Variants in ALG12 observed in about 807,000 individuals in gnomAD.
ALG12 encodes the protein ALG12 alpha-1,6-mannosyltransferase.
ALG12 carries 36 observed loss-of-function variants against 46.0 expected under a neutral mutation model. That is an observed-to-expected ratio of 0.78 (90% CI 0.60 to 1.03). ALG12 has a LOEUF of 1.03. Ranked by LOEUF, ALG12 falls within the 50% of genes least tolerant of loss-of-function variation. The pLI is 0.00. For synonymous variants in ALG12, 326 were observed against 291.6 expected (o/e 1.12, Z -1.20); for missense variants, 599 against 633.5 (o/e 0.95, Z 0.58).
the ALG12 span, among the ~76,000 whole-genome samples, chr22:49,894,476 G>A: frequency 1.3e-5 from 2 of 152,226 alleles, no homozygotes; most frequent in South Asian, 2.1e-4. Flanking sequence ...CAGAGTGAAT[G>A]CGAGAGGCCA....
At chr22:49,881,330 G>A in the ALG12 span, among the ~76,000 whole-genome samples, 3 of 152,250 alleles carry the variant, frequency 2.0e-5, no homozygotes, top group Non-Finnish European at 2.9e-5. Flanking sequence ...CAGCCTGGGC[G>A]ACAGAGTGAT....
rs77196211 is a variant in ALG12, at chr22:49,902,085, G to C, written c.*1753C>G. 0.048 allele frequency: 6,305 copies of C among 132,004 alleles called. 496 individuals carry two copies. Among genetic ancestry groups the C allele is most frequent in the South Asian group, 0.11 (408 of 3,746 alleles). 8.2% of individuals were successfully genotyped at this position (132,004 alleles called of 1,614,324 possible). A position where few individuals can be genotyped will look rare whatever the true frequency, so the allele number is the denominator to read the frequency against. On this transcript the variant is annotated 3_prime_UTR_variant, in exon 10 of 10. Coordinates refer to ENST00000330817, the MANE Select transcript of ALG12 (RefSeq NM_024105.4). Reference sequence around the variant, plus strand: ...GCACTGTGTGTGGTGTGCATGCATGGTGTGTGCACGTGTGCACTGTGTATG... The same window carrying C: ...GCACTGTGTGTGGTGTGCATGCATGCTGTGTGCACGTGTGCACTGTGTATG...
At chr22:49,878,357 A>G in the ALG12 span, among the ~76,000 whole-genome samples, 11 of 151,990 alleles carry the variant, frequency 7.2e-5, no homozygotes, top group Admixed American at 5.3e-4. Flanking sequence ...TCTCAAGAGT[A>G]ATAATAACTG....
the ALG12 span, among the ~76,000 whole-genome samples, chr22:49,880,935 C>CT: frequency 6.6e-6 from 1 of 152,162 alleles, no homozygotes; most frequent in Non-Finnish European, 1.5e-5. Context: ...TACAGGTCTT[C>CT]TTTTTAAGAC....
intron 7 of ALG12, 41 bp from the exon 8 acceptor site, chr22:49,904,547 G>A: frequency 1.9e-6 from 3 of 1,609,406 alleles, no homozygotes; most frequent in Non-Finnish European, 2.5e-6. Flanking sequence ...AGAACGTAAT[G>A]ACAATAAAAT....
the ALG12 span, chr22:49,885,434 A>G: frequency 6.2e-6 from 10 of 1,609,848 alleles, no homozygotes; most frequent in Non-Finnish European, 8.5e-6. Flanking sequence ...CGGGGGAAGA[A>G]GCCGACTAAC....
the ALG12 span, chr22:49,886,495 C>T: frequency 8.3e-6 from 13 of 1,565,732 alleles, no homozygotes; most frequent in African/African-American, 1.4e-5. This position sits in a 1 kb window ranked among gnomAD's most constrained non-coding sequence, Gnocchi z 7.7. Context: ...GGCTGCGAGC[C>T]GGGAGATGAG....
chr22:49,875,418 C>CTTTTT, the ALG12 span, among the ~76,000 whole-genome samples: 2 of 145,170 alleles, frequency 1.4e-5, no homozygotes, highest in Non-Finnish European at 3.0e-5. Flanking sequence ...AATTTATTTT[C>CTTTTT]TTTTTTTTTT....
chr22:49,867,560 G>A, the ALG12 span, among the ~76,000 whole-genome samples: 2 of 152,298 alleles, frequency 1.3e-5, no homozygotes, highest in South Asian at 2.1e-4. Flanking sequence ...GCCCCAGATC[G>A]GACCTTGGAC....
chr22:49,911,646 A>C (rs2060577124), intron 3 of ALG12, among the ~76,000 whole-genome samples: 1 of 152,042 alleles, frequency 6.6e-6, no homozygotes. Flanking sequence ...GTTGGCCAGG[A>C]TGGTCTCAAA....
chr22:49,860,394 A>G, the ALG12 span, among the ~76,000 whole-genome samples: 1 of 152,172 alleles, frequency 6.6e-6, no homozygotes, highest in African/African-American at 2.4e-5. Flanking sequence ...AATCTTAATA[A>G]TATCATTGGC....
chr22:49,885,848 A>C, the ALG12 span: 1 of 1,474,812 alleles, frequency 6.8e-7, no homozygotes, highest in Non-Finnish European at 9.5e-7. Flanking sequence ...GGTGTGATCC[A>C]CTTCACGTCT....
At position 49,903,935 on chromosome 22, in the gene ALG12, GT is replaced by G. The variant is rs2060528186; in HGVS notation, c.1369del (p.Thr457ProfsTer4). On this transcript the variant is annotated frameshift_variant, in exon 10 of 10. Coordinates refer to ENST00000330817, the MANE Select transcript of ALG12 (RefSeq NM_024105.4). LOFTEE classifies it low-confidence loss of function (END_TRUNC). ...THRVLASVVG[T>X]TGVSLNLTQL... Reference sequence around the variant, plus strand: ...GGTCAGGTTCAGACTCACACCTGTGGTCCCCACGACGCTGGCCAGGACCCGG... The same window carrying G: ...GGTCAGGTTCAGACTCACACCTGTGGCCCCACGACGCTGGCCAGGACCCGG... The G allele has an allele frequency of 6.2e-7, 1 of 1,614,044 alleles. No homozygotes were observed. Among genetic ancestry groups the G allele is most frequent in the African/African-American group, 1.3e-5 (1 of 74,922 alleles).
intron 5 of ALG12, among the ~76,000 whole-genome samples, chr22:49,909,582 A>C (rs1356629702): frequency 6.6e-6 from 1 of 152,052 alleles, no homozygotes; most frequent in East Asian, 1.9e-4. Context: ...AAAAAGAAAA[A>C]AGACACCAAC....
chr22:49,877,258 A>ATTATTTAT, the ALG12 span, among the ~76,000 whole-genome samples: 207 of 144,730 alleles, frequency 1.4e-3, no homozygotes, highest in Admixed American at 4.9e-3. Flanking sequence ...AAACAGCTTT[A>ATTATTTAT]TTATTTATTT....
chr22:49,874,094 G>A, the ALG12 span, among the ~76,000 whole-genome samples: 4 of 152,152 alleles, frequency 2.6e-5, no homozygotes, highest in Admixed American at 6.5e-5. Context: ...TGGCCCTGTC[G>A]TCTGCCCATC....
chr22:49,911,140 G>A (rs1223651945), intron 3 of ALG12, among the ~76,000 whole-genome samples: 3 of 152,232 alleles, frequency 2.0e-5, no homozygotes, highest in South Asian at 2.1e-4. Context: ...GTACCCAGCC[G>A]ACCACACATC....
chr22:49,870,186 ATG>A, the ALG12 span, among the ~76,000 whole-genome samples: 42 of 152,310 alleles, frequency 2.8e-4, no homozygotes, highest in Non-Finnish European at 4.7e-4. Context: ...ATAATATTCC[ATG>A]GTGTGGATAT....
chr22:49,911,667 C>A (rs1429484359), intron 3 of ALG12, among the ~76,000 whole-genome samples: 1 of 152,208 alleles, frequency 6.6e-6, no homozygotes, highest in Admixed American at 6.5e-5. Context: ...CTCCTGACCT[C>A]AGGTGATCCC....
Sources: gnomAD v4.1 joint callset for allele counts (sites outside exome capture counted in the v4.1 genomes callset) on GRCh38, gnomAD v4.1.1 for gene constraint, Gnocchi (gnomAD v3.1) non-coding constraint, MANE v1.5 for transcripts, NCBI Gene and HGNC (gene_info 2026-07-23, HGNC 2026-07-21) for gene names.